Variants in TRIO observed in about 807,000 individuals in gnomAD.
TRIO encodes triple functional domain protein.
TRIO carries 58 observed loss-of-function variants against 351.9 expected under a neutral mutation model. The ratio of observed to expected loss-of-function variants is 0.16; its 90% CI spans 0.13 to 0.21. The LOEUF (loss-of-function observed/expected upper bound fraction) is 0.21. Among genes scored for constraint, TRIO ranks in the 10% least tolerant of loss-of-function variants. The probability of loss-of-function intolerance (pLI) is 1.00; values close to 1 mark genes in which losing one functional copy is unlikely to be tolerated. For missense variants in TRIO, 3,201 were observed against 4,027.8 expected (o/e 0.79, Z 5.56); for synonymous variants, 1,758 against 1,595.7 (o/e 1.10, Z -2.42).
intron 34 of TRIO, among the ~76,000 whole-genome samples, chr5:14,459,199 G>T (rs1199659050): frequency 6.6e-6 from 1 of 152,204 alleles, no homozygotes; most frequent in African/African-American, 2.4e-5. Flanking sequence ...GGCGTGTGCT[G>T]TCTAGTCCCA....
At chr5:14,179,611 A>ATT (rs60266582) in intron 1 of TRIO, among the ~76,000 whole-genome samples, 24,176 of 143,660 alleles carry the variant, frequency 0.17, 2,467 homozygotes, top group African/African-American at 0.28. Context: ...TCAGTTTTTG[A>ATT]TTTTTTTTTT....
rs10040862 is a variant in TRIO at position 14,145,791 on chromosome 5, A to G, written c.157+1909A>G. Among the ~76,000 whole-genome samples the G allele has an allele frequency of 8.1e-4, 123 of 152,228 alleles. 2 individuals carry two copies. The highest frequency in any genetic ancestry group is 2.6e-3 in the African/African-American group (107 of 41,528). On this transcript the variant is annotated intron_variant, in intron 1 of 56. Transcript: ENST00000344204. ...CTGCTAAGAGCCCTCCCTAAAAGAC[A>G]CCGAAGATTTGCTGCCTGTTGGCGT...
At chr5:14,491,782 A>G (rs1284987038) in intron 48 of TRIO, among the ~76,000 whole-genome samples, 1 of 152,166 alleles carries the variant, frequency 6.6e-6, no homozygotes, top group Non-Finnish European at 1.5e-5. Flanking sequence ...GGGTGGGGGT[A>G]CGCATCCCAC....
intron 1 of TRIO, among the ~76,000 whole-genome samples, chr5:14,207,392 A>T (rs1389783940): frequency 2.9e-3 from 13 of 4,496 alleles, no homozygotes; most frequent in South Asian, 0.022. Context: ...GACTGTCTAC[A>T]CACACACACA....
intron 1 of TRIO, among the ~76,000 whole-genome samples, chr5:14,216,549 CTTGTGGTCTG>C (rs1792240438): frequency 6.6e-6 from 1 of 152,220 alleles, no homozygotes; most frequent in Admixed American, 6.5e-5. Flanking sequence ...TTAGAAATAA[CTTGTGGTCTG>C]TTCTCATAAT....
intron 33 of TRIO, chr5:14,418,649 A>G (rs531937364): frequency 6.5e-6 from 1 of 152,978 alleles, no homozygotes; most frequent in South Asian, 2.1e-4. Flanking sequence ...CCCAGCAGGG[A>G]TCGAAAGTAG....
Position 14,504,687 on chromosome 5 carries a change from T to C in TRIO, c.8612+94T>C, listed in dbSNP as rs79007592. On this transcript the variant is annotated intron_variant, in intron 55 of 56. Coordinates refer to ENST00000344204, the MANE Select transcript of TRIO (RefSeq NM_007118.4). ...GTTTGTTCTCTAAGAAGGATAGAAA[T>C]TGGGTTTGTAGAATTTACAGAACTA... is the stretch of plus-strand genomic sequence containing the variant. 1.7e-3 allele frequency: 2,438 copies of C among 1,468,664 alleles called. 39 individuals are homozygous for C. In the African/African-American group the frequency reaches 0.03, roughly 18 times the overall value. 91.0% of individuals were successfully genotyped at this position (1,468,664 alleles called of 1,614,324 possible).
chr5:14,312,133 A>G (rs1434083147), intron 8 of TRIO, among the ~76,000 whole-genome samples: 1 of 152,218 alleles, frequency 6.6e-6, no homozygotes, highest in South Asian at 2.1e-4. Flanking sequence ...CTGATTTTAC[A>G]GGAAACGTAG....
intron 1 of TRIO, among the ~76,000 whole-genome samples, chr5:14,264,405 T>C (rs1370705698): frequency 6.6e-6 from 1 of 152,162 alleles, no homozygotes; most frequent in African/African-American, 2.4e-5. Context: ...TAGGTAAAAA[T>C]TGTAATGCTG....
intron 11 of TRIO, among the ~76,000 whole-genome samples, chr5:14,347,779 T>C (rs1395221880): frequency 1.3e-5 from 2 of 152,234 alleles, no homozygotes; most frequent in Non-Finnish European, 2.9e-5. Context: ...GCAGAAAGCC[T>C]GTGAGTGGTT....
intron 12 of TRIO, 83 bp downstream of exon 12, chr5:14,358,430 T>G (rs1192516169): frequency 3.9e-6 from 6 of 1,519,118 alleles, no homozygotes; most frequent in Non-Finnish European, 5.4e-6. Context: ...TTGTGAGTGG[T>G]CAGCTCTGCT....
intron 42 of TRIO, 107 bp downstream of exon 42, chr5:14,479,457 A>C (rs1755352452): frequency 2.1e-6 from 2 of 953,222 alleles, no homozygotes; most frequent in African/African-American, 3.3e-5. Context: ...TCCAAAGAAA[A>C]TTAGCCTGAG....
intron 1 of TRIO, among the ~76,000 whole-genome samples, chr5:14,244,414 GC>G (rs1389802085): frequency 2.0e-5 from 3 of 152,142 alleles, no homozygotes; most frequent in South Asian, 2.1e-4. Context: ...GAAATCAGAT[GC>G]TTTCTTTTGA....
chr5:14,246,247 A>T (rs973132481), intron 1 of TRIO, among the ~76,000 whole-genome samples: 35 of 152,364 alleles, frequency 2.3e-4, no homozygotes, highest in African/African-American at 8.4e-4. Flanking sequence ...AATTTCTGCT[A>T]CTTCATTTTT....
At chr5:14,451,583 TGACAA>T (rs1165363224) in intron 34 of TRIO, among the ~76,000 whole-genome samples, 1 of 152,264 alleles carries the variant, frequency 6.6e-6, no homozygotes, top group African/African-American at 2.4e-5. Flanking sequence ...ATCAAATTCT[TGACAA>T]GACAGAAGTT....
At chr5:14,364,910 G>A in intron 15 of TRIO, 94 bp downstream of exon 15, 2 of 1,437,110 alleles carry the variant, frequency 1.4e-6, no homozygotes, top group Non-Finnish European at 9.3e-7. Flanking sequence ...CATTGGGAAG[G>A]ATTGTGCCTG....
rs389729 is a variant in TRIO, at chr5:14,405,786, G to A, written c.4717-62G>A. ...CAAGGAATGCAGGAAACCTGGGTGT[G>A]GTTAGGGCAAGGTCTGGAAAGGGCC... is the stretch of plus-strand genomic sequence containing the variant. On this transcript the variant is annotated intron_variant, in intron 31 of 56. Transcript: ENST00000344204. 0.26 allele frequency: 395,499 copies of A among 1,510,106 alleles called. 54,010 individuals are homozygous for A. The highest frequency in any genetic ancestry group is 0.34 in the Middle Eastern group (1,934 of 5,630). The allele number at this position is 1,510,106 out of a possible 1,614,324, so 93.5% of individuals were successfully genotyped here.
chr5:14,425,239 C>T (rs754189978), intron 34 of TRIO, among the ~76,000 whole-genome samples: 2 of 152,222 alleles, frequency 1.3e-5, no homozygotes, highest in Non-Finnish European at 2.9e-5. Context: ...TCTCTCCTCC[C>T]AGCCCCTGGC....
At chr5:14,348,026 C>T (rs1742594032) in intron 11 of TRIO, among the ~76,000 whole-genome samples, 1 of 152,232 alleles carries the variant, frequency 6.6e-6, no homozygotes, top group African/African-American at 2.4e-5. Context: ...GTCCACAATG[C>T]TGTCATGCCC....
Sources: allele counts gnomAD v4.1 joint callset (sites outside exome capture counted in the v4.1 genomes callset), GRCh38; gene constraint gnomAD v4.1.1; transcripts MANE v1.5; gene names NCBI Gene and HGNC (gene_info 2026-07-23, HGNC 2026-07-21).